The following ATP11A variants were observed in gnomAD, a reference collection of about 807,000 sequenced individuals.
ATP11A encodes the protein phospholipid-transporting ATPase IH.
In ATP11A, 81 loss-of-function variants were observed where a neutral mutation model predicts 154.4. That is an observed-to-expected ratio of 0.52 (90% CI 0.44 to 0.63). The LOEUF is 0.63. Among genes scored for constraint, ATP11A ranks in the 30% least tolerant of loss-of-function variants. The pLI, the probability that ATP11A is intolerant of heterozygous loss-of-function variation, is 0.00. For missense variants in ATP11A, 1,316 were observed against 1,474.3 expected, an observed-to-expected ratio of 0.89 and a Z score of 1.76; for synonymous variants, 623 against 585.9, an observed-to-expected ratio of 1.06 and a Z score of -0.91.
chr13:112,710,232 T>C (rs917778113), intron 1 of ATP11A, among the ~76,000 whole-genome samples: 1 of 152,218 alleles, frequency 6.6e-6, no homozygotes, highest in Non-Finnish European at 1.5e-5. Context: ...GTCTGCTGCC[T>C]TGGGGGCCCT....
In ATP11A at chr13:112,825,572, A is replaced by G. The variant is rs200249023; in HGVS notation, c.1015A>G (p.Arg339Gly). The change falls in exon 11 of 30, where the codon AGG becomes GGG. Residue 339 changes from arginine (R) to glycine (G), a missense_variant. Around this residue, in one of 5 missense-constraint regions of ATP11A, gnomAD observed 876 missense variants for 1,006.8 expected, o/e 0.87. Transcript: ENST00000375645. ...TCAGAAAACGGAGTCGGAAAGGCAG[A>G]GGAATCTGGTATGGAGAATCACTGC... ...YNQKTESERQ[R>G]NLFLKAFTDF... The G allele has an allele frequency of 2.5e-6, 4 of 1,612,704 alleles. No individual in the cohort carries two copies. The Admixed American group carries it at 6.7e-5, about 27-fold the overall frequency.
intron 1 of ATP11A, among the ~76,000 whole-genome samples, chr13:112,709,175 C>T (rs186383920): frequency 3.3e-5 from 5 of 152,306 alleles, no homozygotes; most frequent in Admixed American, 3.3e-4. Flanking sequence ...TTTAAATTTA[C>T]CCAAATTCCT....
At chr13:112,857,686 A>G (rs2079969864) in intron 20 of ATP11A, 132 bp from the exon 21 acceptor site, 1 of 702,484 alleles carries the variant, frequency 1.4e-6, no homozygotes. Context: ...AATGTCGTAA[A>G]TTACCTCTAA....
intron 1 of ATP11A, among the ~76,000 whole-genome samples, chr13:112,724,187 C>T (rs1889557332): frequency 7.0e-6 from 1 of 142,444 alleles, no homozygotes; most frequent in South Asian, 2.4e-4. Flanking sequence ...GCCCTCTTCG[C>T]CCCCATCGGC....
chr13:112,776,896 C>G (rs1335263137), intron 1 of ATP11A, among the ~76,000 whole-genome samples: 1 of 152,226 alleles, frequency 6.6e-6, no homozygotes, highest in African/African-American at 2.4e-5. Flanking sequence ...CGCGACCAGC[C>G]GAGATGACCT....
intron 25 of ATP11A, among the ~76,000 whole-genome samples, chr13:112,865,335 GCGGGGTC>G (rs2080292665): frequency 1.5e-5 from 2 of 136,030 alleles, no homozygotes; most frequent in Non-Finnish European, 3.3e-5. Context: ...CAGCTTCCCA[GCGGGGTC>G]CATCACCACA....
At chr13:112,847,084 C>T (rs952270107) in intron 17 of ATP11A, among the ~76,000 whole-genome samples, 9 of 152,376 alleles carry the variant, frequency 5.9e-5, no homozygotes, top group Admixed American at 2.6e-4. Context: ...TGCCCCATAA[C>T]TCAGGGAATT....
At chr13:112,721,633 A>C (rs768575033) in intron 1 of ATP11A, among the ~76,000 whole-genome samples, 2 of 152,206 alleles carry the variant, frequency 1.3e-5, no homozygotes, top group African/African-American at 2.4e-5. Flanking sequence ...CCCACAAGAC[A>C]GCAGAAGGGC....
chr13:112,771,689 C>T lies in ATP11A; in HGVS notation c.40-13446C>T, dbSNP rs76658089. Among the ~76,000 whole-genome samples, 10 of 152,174 alleles carry T rather than the reference C, an allele frequency of 6.6e-5. No homozygotes were observed. The East Asian group carries it at 7.7e-4, about 12-fold the overall frequency. On this transcript the variant is annotated intron_variant, in intron 1 of 29. Coordinates refer to ENST00000375645, the MANE Select transcript of ATP11A (RefSeq NM_015205.3). ...TTGACGTTATTTCAGTCACAAAAGC[C>T]GGGAACTGCTGGTGCTTCCCGTCAC...
chr13:112,857,758 T>C, intron 20 of ATP11A, 60 bp from the exon 21 acceptor site: 1 of 1,372,950 alleles, frequency 7.3e-7, no homozygotes, highest in Admixed American at 1.8e-5. Context: ...GCCTAGTGAA[T>C]GAATAACCTG....
chr13:112,880,525 G>A (rs568041204), intron 29 of ATP11A: 4 of 1,295,362 alleles, frequency 3.1e-6, no homozygotes, highest in African/African-American at 3.0e-5. Context: ...ACGTCGCTCA[G>A]TATCTTTCCT....
rs1412368996 is a variant in ATP11A at position 112,845,485 on chromosome 13, A to C, written c.1809+3106A>C. On this transcript the variant is annotated intron_variant, in intron 17 of 29. Coordinates refer to ENST00000375645, the MANE Select transcript of ATP11A (RefSeq NM_015205.3). ...GTACTATTCAGTCCAGTTGCCAGGC[A>C]CTAGTGGTTCTAACCAGTCCAGTTG... 1.7e-5 allele frequency among the ~76,000 whole-genome samples: 2 copies of C among 119,084 alleles called. 1 individual carries two copies. Among genetic ancestry groups the C allele is most frequent in the Non-Finnish European group, 3.3e-5 (2 of 59,714 alleles). 78.1% of individuals were successfully genotyped at this position (119,084 alleles called of 152,430 possible).
intron 1 of ATP11A, among the ~76,000 whole-genome samples, chr13:112,744,377 G>A (rs762636895): frequency 1.3e-5 from 2 of 152,226 alleles, no homozygotes; most frequent in Non-Finnish European, 2.9e-5. Context: ...GATGGTCTGG[G>A]AGGGTGTGAT....
chr13:112,752,249 T>C (rs2076710816), intron 1 of ATP11A, among the ~76,000 whole-genome samples: 1 of 152,052 alleles, frequency 6.6e-6, no homozygotes, highest in African/African-American at 2.4e-5. Flanking sequence ...CAGGTGGGGA[T>C]GTACATGGAG....
At chr13:112,706,425 G>T (rs921410751) in intron 1 of ATP11A, among the ~76,000 whole-genome samples, 7 of 152,318 alleles carry the variant, frequency 4.6e-5, no homozygotes, top group Admixed American at 1.3e-4. Flanking sequence ...AGTTGATGGT[G>T]TTACATGGTT....
At chr13:112,701,693 C>T (rs982695155) in intron 1 of ATP11A, among the ~76,000 whole-genome samples, 4 of 152,052 alleles carry the variant, frequency 2.6e-5, no homozygotes, top group Non-Finnish European at 5.9e-5. Flanking sequence ...ATTAGCTGGG[C>T]GTGGTGGCGG....
intron 10 of ATP11A, 73 bp from the exon 11 acceptor site, chr13:112,825,357 T>G: frequency 2.1e-5 from 32 of 1,489,940 alleles, no homozygotes; most frequent in African/African-American, 4.2e-5. Flanking sequence ...GGTGTCATCT[T>G]GATATCTGTG....
At chr13:112,719,617 G>A (rs909375860) in intron 1 of ATP11A, among the ~76,000 whole-genome samples, 1 of 151,434 alleles carries the variant, frequency 6.6e-6, no homozygotes, top group Non-Finnish European at 1.5e-5. Flanking sequence ...GTGGAAGCAA[G>A]GAAACAGAAT....
At chr13:112,737,718 T>C (rs1428385032) in intron 1 of ATP11A, among the ~76,000 whole-genome samples, 1 of 152,222 alleles carries the variant, frequency 6.6e-6, no homozygotes, top group African/African-American at 2.4e-5. Context: ...GCTGTAAGGT[T>C]ACATGGTCAC....
Sources: allele counts gnomAD v4.1 joint callset (sites outside exome capture counted in the v4.1 genomes callset), GRCh38; gene constraint gnomAD v4.1.1; regional missense constraint gnomAD v4.1.1; transcripts MANE v1.5; gene names NCBI Gene and HGNC (gene_info 2026-07-23, HGNC 2026-07-21).